Variants in TWSG1 observed in about 807,000 individuals in gnomAD.
TWSG1 encodes twisted gastrulation protein homolog 1.
TWSG1 carries 15 observed loss-of-function variants against 23.0 expected under a neutral mutation model. That is an observed-to-expected ratio of 0.65 (90% CI 0.44 to 1.00). The LOEUF (loss-of-function observed/expected upper bound fraction) is 1.00, where lower values mean the gene tolerates loss of function less well. TWSG1 is among the 50% of genes least tolerant of loss of function. The pLI, the probability that TWSG1 is intolerant of heterozygous loss-of-function variation, is 0.00. For synonymous variants in TWSG1, 86 were observed against 92.8 expected (o/e 0.93, Z 0.42); for missense variants, 242 against 278.7 (o/e 0.87, Z 0.94).
intron 3 of TWSG1, among the ~76,000 whole-genome samples, chr18:9,381,112 A>G (rs2040653963): frequency 6.6e-6 from 1 of 152,188 alleles, no homozygotes. Context: ...ATGCTGAGGA[A>G]ACTAAGTGCC....
intron 3 of TWSG1, among the ~76,000 whole-genome samples, chr18:9,387,493 G>A (rs192705661): frequency 4.6e-5 from 7 of 152,092 alleles, no homozygotes; most frequent in South Asian, 2.1e-4. Context: ...CAGGCCGGGC[G>A]CGATGGCTCA....
intron 2 of TWSG1, among the ~76,000 whole-genome samples, chr18:9,352,814 A>C (rs1461844488): frequency 6.6e-6 from 1 of 152,178 alleles, no homozygotes; most frequent in Non-Finnish European, 1.5e-5. Context: ...GAGTTCATAC[A>C]ATAAATGTTA....
At chr18:9,361,669 G>A (rs1174196223) in intron 3 of TWSG1, among the ~76,000 whole-genome samples, 3 of 152,238 alleles carry the variant, frequency 2.0e-5, no homozygotes, top group Non-Finnish European at 4.4e-5. Context: ...CTGGGAACCT[G>A]AGGGGTGAGG....
At chr18:9,379,297 A>C (rs2040645452) in intron 3 of TWSG1, among the ~76,000 whole-genome samples, 1 of 152,224 alleles carries the variant, frequency 6.6e-6, no homozygotes. Context: ...GGATGAAGAA[A>C]GAGTGGTACA....
intron 2 of TWSG1, among the ~76,000 whole-genome samples, chr18:9,351,498 G>A (rs1383199964): frequency 6.6e-6 from 1 of 152,000 alleles, no homozygotes; most frequent in Admixed American, 6.6e-5. Flanking sequence ...GTAAATTAAA[G>A]CAATATATTT....
chr18:9,339,684 T>C (rs2040437493), intron 2 of TWSG1, among the ~76,000 whole-genome samples: 1 of 152,024 alleles, frequency 6.6e-6, no homozygotes, highest in South Asian at 2.1e-4. Flanking sequence ...ATGCTTGTAA[T>C]CCCAGCTACT....
chr18:9,350,980 G>A (rs889278760), intron 2 of TWSG1, among the ~76,000 whole-genome samples: 1 of 152,004 alleles, frequency 6.6e-6, no homozygotes, highest in African/African-American at 2.4e-5. Context: ...TAAAAGTAGT[G>A]TCAGCATAGG....
rs1403740714 is a variant in TWSG1 at position 9,383,183 on chromosome 18, G to GTTTTTTTTTT, written c.224-13096_224-13087dup. 1.9e-4 allele frequency among the ~76,000 whole-genome samples: 14 copies of GTTTTTTTTTT among 75,322 alleles called. 2 individuals are homozygous for GTTTTTTTTTT. The highest frequency in any genetic ancestry group is 7.3e-4 in the African/African-American group (14 of 19,198). The allele number at this position is 75,322 out of a possible 152,430, so 49.4% of individuals were successfully genotyped here. On this transcript the variant is annotated intron_variant, in intron 3 of 4. Coordinates refer to ENST00000262120, the MANE Select transcript of TWSG1 (RefSeq NM_020648.6). ...TATGGTGGTGATATCCGAATTACAC[G>GTTTTTTTTTT]TTTTTTTTTTGTTTTTTTTTTTTTT...
rs1472060043 is a variant in TWSG1, at chr18:9,401,777, A to T, written c.*2250A>T. ...AGTTGATAGCCTGGTTAAAAGTTAG[A>T]TCCTCTATTACCATTCTAAGCACAT... is the stretch of plus-strand genomic sequence containing the variant. On this transcript the variant is annotated 3_prime_UTR_variant, in exon 5 of 5. Transcript: ENST00000262120. 1 of 152,180 alleles carries T rather than the reference A, an allele frequency of 6.6e-6. No individual in the cohort carries two copies. Among genetic ancestry groups the T allele is most frequent in the Non-Finnish European group, 1.5e-5 (1 of 68,032 alleles). The allele number at this position is 152,180 out of a possible 1,614,324, so 9.4% of individuals were successfully genotyped here.
rs560612544 is a variant in TWSG1 at position 9,336,842 on chromosome 18, T to C, written c.-37-351T>C. 3.9e-5 allele frequency among the ~76,000 whole-genome samples: 6 copies of C among 152,334 alleles called. No individual in the cohort carries two copies. The South Asian group carries it at 1.2e-3, about 32-fold the overall frequency. The stretch of plus-strand genomic sequence containing the variant: ...TTGAAGATGGCTATGAAGCCATTAT[T>C]ATACAAAATTATTGTTTATTTTTGA... On this transcript the variant is annotated intron_variant, in intron 1 of 4. Coordinates refer to ENST00000262120, the MANE Select transcript of TWSG1 (RefSeq NM_020648.6).
At chr18:9,366,090 T>G (rs1444092126) in intron 3 of TWSG1, among the ~76,000 whole-genome samples, 2 of 152,264 alleles carry the variant, frequency 1.3e-5, no homozygotes. Context: ...GCCACCTGTT[T>G]AGCATGTCGT....
At chr18:9,349,613 A>C (rs890938757) in intron 2 of TWSG1, among the ~76,000 whole-genome samples, 1 of 152,088 alleles carries the variant, frequency 6.6e-6, no homozygotes, top group South Asian at 2.1e-4. Flanking sequence ...TAAATAGTTC[A>C]GGTAAGTTTA....
intron 2 of TWSG1, among the ~76,000 whole-genome samples, chr18:9,339,304 G>T (rs1293017984): frequency 6.6e-6 from 1 of 152,032 alleles, no homozygotes; most frequent in Non-Finnish European, 1.5e-5. Context: ...ACTTGTAAAG[G>T]TTTTTTTGTT....
At chr18:9,399,016 A>G (rs1438566153) in intron 4 of TWSG1, among the ~76,000 whole-genome samples, 1 of 152,094 alleles carries the variant, frequency 6.6e-6, no homozygotes, top group Admixed American at 6.6e-5. Flanking sequence ...TCAAAAAAAA[A>G]AAGGAAATGC....
intron 3 of TWSG1, among the ~76,000 whole-genome samples, chr18:9,385,367 G>A (rs992702220): frequency 2.0e-5 from 3 of 152,104 alleles, no homozygotes; most frequent in South Asian, 2.1e-4. Flanking sequence ...GACTAGATGC[G>A]AAAGAAAAAT....
chr18:9,353,203 A>G (rs554810844), intron 2 of TWSG1, among the ~76,000 whole-genome samples: 1 of 150,220 alleles, frequency 6.7e-6, no homozygotes, highest in Non-Finnish European at 1.5e-5. Flanking sequence ...TCATATAACA[A>G]CAGAATTGCC....
At chr18:9,360,530 G>A (rs2040547605) in intron 3 of TWSG1, among the ~76,000 whole-genome samples, 2 of 152,084 alleles carry the variant, frequency 1.3e-5, no homozygotes, top group Admixed American at 6.6e-5. Context: ...GCCCTTCTCT[G>A]ACCAGTTAAC....
intron 4 of TWSG1, chr18:9,396,895 C>G (rs947739623): frequency 1.0e-5 from 3 of 300,286 alleles, no homozygotes; most frequent in Non-Finnish European, 1.8e-5. Flanking sequence ...CCCATCTCTA[C>G]TAAGAATACA....
In TWSG1 at chr18:9,383,183, G is replaced by GTTTTTTT. The variant is rs1403740714; in HGVS notation, c.224-13093_224-13087dup. 7.4e-4 allele frequency among the ~76,000 whole-genome samples: 56 copies of GTTTTTTT among 75,304 alleles called. 4 individuals carry two copies. Among genetic ancestry groups the GTTTTTTT allele is most frequent in the African/African-American group, 2.8e-3 (54 of 19,182 alleles). 49.4% of individuals were successfully genotyped at this position (75,304 alleles called of 152,430 possible). On this transcript the variant is annotated intron_variant, in intron 3 of 4. Transcript: ENST00000262120. ...TATGGTGGTGATATCCGAATTACACGTTTTTTTTTTGTTTTTTTTTTTTTT... is the reference window on the plus strand; with the variant it reads ...TATGGTGGTGATATCCGAATTACACGTTTTTTTTTTTTTTTTTGTTTTTTTTTTTTTT...
Sources: gnomAD v4.1 joint callset for allele counts (sites outside exome capture counted in the v4.1 genomes callset) on GRCh38, gnomAD v4.1.1 for gene constraint, MANE v1.5 for transcripts, NCBI Gene and HGNC (gene_info 2026-07-23, HGNC 2026-07-21) for gene names.